The following SPG11 variants were observed in gnomAD, a reference collection of about 807,000 sequenced individuals.
The protein encoded by SPG11 is spatacsin.
A neutral mutation model predicts 274.0 loss-of-function variants in SPG11; 222 were observed. The observed-to-expected ratio is 0.81, with a 90% CI of 0.73 to 0.91. The LOEUF is 0.91. Ranked by LOEUF, SPG11 falls within the 40% of genes least tolerant of loss-of-function variation. SPG11 has a pLI of 0.00. For synonymous variants in SPG11, 1,144 were observed against 1,039.7 expected (o/e 1.10, Z -1.93); for missense variants, 3,114 against 2,872.7 (o/e 1.08, Z -1.92).
intron 7 of SPG11, among the ~76,000 whole-genome samples, chr15:44,640,539 C>T (rs1179969385): frequency 1.3e-5 from 2 of 151,972 alleles, no homozygotes; most frequent in African/African-American, 4.8e-5. Context: ...AAGGAACAGA[C>T]AACAATAAAG....
rs2083972143 is a variant in SPG11 at position 44,628,715 on chromosome 15, A to G, written c.2021T>C (p.Val674Ala). 1 of 1,613,798 alleles carries G rather than the reference A, an allele frequency of 6.2e-7. No individual in the cohort carries two copies. The highest frequency in any genetic ancestry group is 8.5e-7 in the Non-Finnish European group (1 of 1,179,918). The change falls in exon 10 of 40, where the codon GTC becomes GCC. Residue 674 changes from valine to alanine, a missense_variant. Transcript: ENST00000261866. Reference protein sequence around the residue: ...AIDEYDVHENVPKVKESNIWK... With the variant: ...AIDEYDVHENAPKVKESNIWK... ...TATATTGCTCTCCTTTACTTTGGGGACATTTTCATGTACATCATATTCATC... is the reference window on the plus strand; with the variant it reads ...TATATTGCTCTCCTTTACTTTGGGGGCATTTTCATGTACATCATATTCATC...
chr15:44,636,379 G>A (rs2084252143), intron 7 of SPG11, among the ~76,000 whole-genome samples: 1 of 151,260 alleles, frequency 6.6e-6, no homozygotes, highest in Admixed American at 6.6e-5. Flanking sequence ...ATATACTAAA[G>A]TACTTAGAGT....
At chr15:44,566,032 C>G in intron 37 of SPG11, 23 bp from the exon 38 acceptor site, 1 of 1,613,118 alleles carries the variant, frequency 6.2e-7, no homozygotes. Flanking sequence ...GGTGGAGAGG[C>G]ACAGTAGAGA....
intron 28 of SPG11, among the ~76,000 whole-genome samples, chr15:44,588,930 T>C (rs78426136): frequency 2.8e-3 from 434 of 152,292 alleles, no homozygotes; most frequent in African/African-American, 0.01. Flanking sequence ...TGTCAGTGTA[T>C]GTCTTGATCT....
chr15:44,574,424 G>A (rs1227030621), intron 31 of SPG11, among the ~76,000 whole-genome samples: 2 of 152,146 alleles, frequency 1.3e-5, no homozygotes, highest in South Asian at 2.1e-4. Context: ...TCTCCAAGAC[G>A]AGGGCTTTAG....
chr15:44,651,686 G>A lies in SPG11; in HGVS notation c.1261C>T (p.Gln421Ter). ...RSWKIMHISEQEEPIELKCVS... is the reference protein window; with the variant it reads ...RSWKIMHISE Reference sequence around the variant, plus strand: ...CATTTAAGCTCTATGGGTTCCTCTTGTTCACTGATGTGCATTATTTTCCAT... The same window carrying A: ...CATTTAAGCTCTATGGGTTCCTCTTATTCACTGATGTGCATTATTTTCCAT... The change falls in exon 6 of 40, where the codon CAA becomes TAA. Residue 421 changes from glutamine (Q) to a stop codon, truncating the protein, a stop_gained. Transcript: ENST00000261866. LOFTEE classifies it high-confidence loss of function. 1 of 1,614,188 alleles carries A rather than the reference G, an allele frequency of 6.2e-7. No homozygotes were observed. The highest frequency in any genetic ancestry group is 2.2e-5 in the East Asian group (1 of 44,884).
intron 10 of SPG11, 21 bp downstream of exon 10, chr15:44,628,648 G>C (rs758719414): frequency 6.2e-7 from 1 of 1,603,460 alleles, no homozygotes; most frequent in Non-Finnish European, 8.5e-7. Context: ...AATAAAAGAA[G>C]TGATGATTAT....
rs778756635 is a variant in SPG11, at chr15:44,567,386, C to T, written c.6754+38G>A. ...AAAAAAAGGAATTTTACCTAGCTAG[C>T]AGCACTGTTCTGGTAGTGTGGCTGT... On this transcript the variant is annotated intron_variant, in intron 36 of 39. Coordinates refer to ENST00000261866, the MANE Select transcript of SPG11 (RefSeq NM_025137.4). The T allele has an allele frequency of 3.1e-6, 5 of 1,591,522 alleles. No homozygotes were observed. The African/African-American group carries it at 5.4e-5, about 17-fold the overall frequency.
intron 15 of SPG11, among the ~76,000 whole-genome samples, chr15:44,619,835 G>A (rs1482262855): frequency 1.3e-5 from 2 of 150,222 alleles, no homozygotes; most frequent in African/African-American, 4.9e-5. Context: ...CGATTCTCCT[G>A]CCTCAGCCTC....
chr15:44,656,961 G>A (rs1473925142), intron 4 of SPG11, 134 bp downstream of exon 4: 3 of 734,308 alleles, frequency 4.1e-6, no homozygotes, highest in African/African-American at 1.8e-5. Context: ...ACTTTACAAT[G>A]TATTAGCTAG....
chr15:44,567,508 A>G lies in SPG11; in HGVS notation c.6670T>C (p.Cys2224Arg), dbSNP rs1344339327. ...CCAATCTCCCGGCACATGCTGAAGC[A>G]CAGGGCAATCATATTGTGCTTTTCA... The part of the protein sequence containing the change: ...DSEKHNMIAL[C>R]FSMCREIGEN... The change falls in exon 36 of 40, where the codon TGC becomes CGC. Residue 2224 changes from cysteine to arginine, a missense_variant. Cys to Arg is a radical substitution (Grantham distance 180, BLOSUM62 -3). Transcript: ENST00000261866. 2 of 1,613,960 alleles carry G rather than the reference A, an allele frequency of 1.2e-6. No individual in the cohort carries two copies. The highest frequency in any genetic ancestry group is 2.7e-5 in the African/African-American group (2 of 74,894).
intron 12 of SPG11, 167 bp downstream of exon 12, chr15:44,622,561 G>GAAGAAAGATGAAGGGGA: frequency 2.7e-6 from 2 of 742,540 alleles, no homozygotes. Flanking sequence ...AATAGTCATT[G>GAAGAAAGATGAAGGGGA]AAGAAAGATG....
chr15:44,619,302 G>A (rs2083674943), intron 15 of SPG11, among the ~76,000 whole-genome samples: 1 of 152,254 alleles, frequency 6.6e-6, no homozygotes, highest in East Asian at 1.9e-4. Context: ...CATGTTATTA[G>A]CTTTCCTTAT....
At chr15:44,645,692 A>G (rs2084586852) in intron 7 of SPG11, among the ~76,000 whole-genome samples, 1 of 152,200 alleles carries the variant, frequency 6.6e-6, no homozygotes. Context: ...ACAGAATAAG[A>G]CAAAATATTT....
intron 39 of SPG11, 128 bp downstream of exon 39, chr15:44,564,419 A>G: frequency 1.2e-6 from 1 of 861,072 alleles, no homozygotes; most frequent in Non-Finnish European, 1.9e-6. Flanking sequence ...AGGATTCTTG[A>G]TACTGCTTTG....
At chr15:44,566,332 C>T (rs147090058) in intron 36 of SPG11, 27 bp from the exon 37 acceptor site, 19 of 1,603,894 alleles carry the variant, frequency 1.2e-5, no homozygotes, top group East Asian at 4.5e-5. Flanking sequence ...GAAGATTTGC[C>T]GAGTCTGACT....
At chr15:44,569,716 T>C (rs924165378) in intron 34 of SPG11, among the ~76,000 whole-genome samples, 2 of 151,222 alleles carry the variant, frequency 1.3e-5, no homozygotes, top group Non-Finnish European at 3.0e-5. Flanking sequence ...CCACTGGCTG[T>C]TCTTTTTTTT....
chr15:44,572,883 C>T, intron 32 of SPG11, 63 bp from the exon 33 acceptor site: 2 of 1,568,724 alleles, frequency 1.3e-6, no homozygotes, highest in East Asian at 4.6e-5. Context: ...TCTGCCCAGG[C>T]TTAGGCACCA....
chr15:44,596,790 T>C lies in SPG11; in HGVS notation c.4155A>G (p.Pro1385=), dbSNP rs1328264036. The change falls in exon 24 of 40, where the codon CCA becomes CCG. Residue 1385 remains proline (P), a synonymous_variant. Transcript: ENST00000261866. ...CTAACAATTAGTGGCTTACCTCTGC[T>C]GGGTGGTAGTTGTGGAGTTGGCTGT... ...IIHSQLHNYH[P]AEVKSLIQYF... 1.2e-6 allele frequency: 2 copies of C among 1,605,032 alleles called. No homozygotes were observed.
Sources: allele counts gnomAD v4.1 joint callset (sites outside exome capture counted in the v4.1 genomes callset), GRCh38; gene constraint gnomAD v4.1.1; transcripts MANE v1.5; gene names NCBI Gene and HGNC (gene_info 2026-07-23, HGNC 2026-07-21).